Variants in RAP1B observed in about 807,000 individuals in gnomAD.
The protein encoded by RAP1B is RAP1B, member of RAS oncogene family, also known as ras-related protein Rap-1b.
A neutral mutation model predicts 27.5 loss-of-function variants in RAP1B; 1 was observed. The ratio of observed to expected loss-of-function variants is 0.04; its 90% CI spans 0.01 to 0.17. RAP1B has a LOEUF of 0.17. Ranked by LOEUF, RAP1B falls within the 10% of genes least tolerant of loss-of-function variation. The probability of loss-of-function intolerance (pLI) is 1.00; values close to 1 mark genes in which losing one functional copy is unlikely to be tolerated. For missense variants in RAP1B, 84 were observed against 214.8 expected, an observed-to-expected ratio of 0.39 and a Z score of 3.81; for synonymous variants, 75 against 73.1, an observed-to-expected ratio of 1.03 and a Z score of -0.13.
chr12:68,633,389 A>G (rs116192870), intron 1 of RAP1B, among the ~76,000 whole-genome samples: 3,576 of 152,266 alleles, frequency 0.023, 50 homozygotes, highest in Middle Eastern at 0.034. Context: ...TAGATAGACA[A>G]TTGTTCTCTT....
intron 3 of RAP1B, among the ~76,000 whole-genome samples, chr12:68,651,337 C>T (rs1873801463): frequency 6.6e-6 from 1 of 151,638 alleles, no homozygotes; most frequent in Non-Finnish European, 1.5e-5. Flanking sequence ...CCCGCTGTTG[C>T]ACAAATACTG....
rs762090651 is a variant in RAP1B at position 68,627,328 on chromosome 12, T to G, written c.-27+16285T>G. On this transcript the variant is annotated intron_variant, in intron 1 of 7. Coordinates refer to ENST00000250559, the MANE Select transcript of RAP1B (RefSeq NM_001010942.3). ...GCTGCTGTTTGCAGCCATTGCACAC[T>G]GGGCCCCCCCATGAGGAAAGGAACT... 2.0e-4 allele frequency: 150 copies of G among 758,328 alleles called. 1 individual carries two copies. The highest frequency in any genetic ancestry group is 3.1e-4 in the Non-Finnish European group (129 of 421,500). The allele number at this position is 758,328 out of a possible 1,614,324, so 47.0% of individuals were successfully genotyped here. A position where few individuals can be genotyped will look rare whatever the true frequency, so the allele number is the denominator to read the frequency against.
At chr12:68,639,172 C>T (rs1872824939) in intron 1 of RAP1B, among the ~76,000 whole-genome samples, 1 of 152,130 alleles carries the variant, frequency 6.6e-6, no homozygotes, top group Non-Finnish European at 1.5e-5. Context: ...AATGACTTTA[C>T]CCGTAAAGCA....
intron 1 of RAP1B, among the ~76,000 whole-genome samples, chr12:68,638,294 G>A (rs1305445862): frequency 6.6e-6 from 1 of 151,962 alleles, no homozygotes; most frequent in Non-Finnish European, 1.5e-5. Context: ...TTTATTTGTG[G>A]TATTATTTGA....
intron 1 of RAP1B, chr12:68,642,672 C>T: frequency 8.8e-7 from 1 of 1,139,500 alleles, no homozygotes; most frequent in Non-Finnish European, 1.3e-6. Flanking sequence ...ACAATCCTGG[C>T]CTTTGAGAGA....
At chr12:68,638,341 G>A (rs555040290) in intron 1 of RAP1B, among the ~76,000 whole-genome samples, 2 of 152,148 alleles carry the variant, frequency 1.3e-5, no homozygotes, top group African/African-American at 4.8e-5. Flanking sequence ...TGTCATGTCC[G>A]TGCCCTAATT....
chr12:68,637,461 G>C (rs1333557836), intron 1 of RAP1B, among the ~76,000 whole-genome samples: 1 of 151,954 alleles, frequency 6.6e-6, no homozygotes, highest in Non-Finnish European at 1.5e-5. Flanking sequence ...GCCAGGTGTG[G>C]TGGCACGCAC....
intron 1 of RAP1B, among the ~76,000 whole-genome samples, chr12:68,638,605 T>G (rs1424213910): frequency 2.0e-5 from 3 of 152,204 alleles, no homozygotes; most frequent in Non-Finnish European, 4.4e-5. Context: ...ATATTTAGAT[T>G]ATATTAAATT....
At position 68,632,138 on chromosome 12, in the gene RAP1B, T is replaced by TTG. The variant is rs1555171630; in HGVS notation, c.-26-16560_-26-16559insGT. Among the ~76,000 whole-genome samples the TTG allele has an allele frequency of 8.0e-4, 107 of 134,442 alleles. 5 individuals carry two copies. Among genetic ancestry groups the TTG allele is most frequent in the African/African-American group, 3.5e-3 (105 of 30,096 alleles). 88.2% of individuals were successfully genotyped at this position (134,442 alleles called of 152,430 possible). On this transcript the variant is annotated intron_variant, in intron 1 of 7. Transcript: ENST00000250559. Reference sequence around the variant, plus strand: ...TTTGGGTTTTGGATTTGTTTTTTTTTTTTTTTTGTTTGTTTTTTTTTTCCA... The same window carrying TTG: ...TTTGGGTTTTGGATTTGTTTTTTTTTTGTTTTTTTGTTTGTTTTTTTTTTCCA...
chr12:68,654,046 G>A (rs774628853), intron 4 of RAP1B, 66 bp from the exon 5 acceptor site: 12 of 1,367,676 alleles, frequency 8.8e-6, no homozygotes, highest in Non-Finnish European at 1.1e-5. Context: ...ATTATAGACT[G>A]TGAAAATTGT....
intron 1 of RAP1B, among the ~76,000 whole-genome samples, chr12:68,617,575 G>A (rs1871116704): frequency 6.6e-6 from 1 of 152,140 alleles, no homozygotes; most frequent in African/African-American, 2.4e-5. Context: ...AAAGTATAAA[G>A]AAGAAAATGA....
chr12:68,642,758 G>A lies in RAP1B; in HGVS notation c.-26-5941G>A, dbSNP rs184749749. 740 of 1,067,614 alleles carry A rather than the reference G, an allele frequency of 6.9e-4. 3 individuals carry two copies. Among genetic ancestry groups the A allele is most frequent in the Middle Eastern group, 1.2e-3 (4 of 3,346 alleles). 66.1% of individuals were successfully genotyped at this position (1,067,614 alleles called of 1,614,324 possible). On this transcript the variant is annotated intron_variant, in intron 1 of 7. Coordinates refer to ENST00000250559, the MANE Select transcript of RAP1B (RefSeq NM_001010942.3). ...CGCAGTATATTTATCCTCTGGCACG[G>A]GAACCTTCAGGGCATTAAACTTCTT...
chr12:68,615,936 C>A (rs10506562), intron 1 of RAP1B, among the ~76,000 whole-genome samples: 26,746 of 151,268 alleles, frequency 0.18, 3,033 homozygotes, highest in South Asian at 0.45. Flanking sequence ...AGGAAGTGAG[C>A]ATCCATTAAA....
At chr12:68,647,085 C>CT (rs1446881253) in intron 1 of RAP1B, among the ~76,000 whole-genome samples, 1 of 152,170 alleles carries the variant, frequency 6.6e-6, no homozygotes, top group Non-Finnish European at 1.5e-5. Context: ...CAGAATCTCA[C>CT]TGTGTTGCCC....
intron 1 of RAP1B, among the ~76,000 whole-genome samples, chr12:68,617,127 A>G (rs1871084471): frequency 6.6e-6 from 1 of 152,238 alleles, no homozygotes; most frequent in Non-Finnish European, 1.5e-5. Flanking sequence ...AAGTTACTTT[A>G]TACTAAATTC....
At chr12:68,652,871 T>C (rs1436153689) in intron 4 of RAP1B, among the ~76,000 whole-genome samples, 1 of 152,228 alleles carries the variant, frequency 6.6e-6, no homozygotes, top group African/African-American at 2.4e-5. Context: ...TTACCATATT[T>C]CAAATAATAC....
chr12:68,638,538 GATA>G (rs1199723325), intron 1 of RAP1B, among the ~76,000 whole-genome samples: 1 of 152,202 alleles, frequency 6.6e-6, no homozygotes, highest in East Asian at 1.9e-4. Flanking sequence ...GTTTTTGAAA[GATA>G]ATGACTCCAA....
In RAP1B at chr12:68,654,303, T is replaced by C. The variant is rs775655821; in HGVS notation, c.324+51T>C. On this transcript the variant is annotated intron_variant, in intron 5 of 7. Coordinates refer to ENST00000250559, the MANE Select transcript of RAP1B (RefSeq NM_001010942.3). ...TTTTATTTCAAAACCCTGATTATAATTGTTTAAGTCTAAATTTAAATTCAT... is the reference window on the plus strand; with the variant it reads ...TTTTATTTCAAAACCCTGATTATAACTGTTTAAGTCTAAATTTAAATTCAT... 10 of 1,148,980 alleles carry C rather than the reference T, an allele frequency of 8.7e-6. 1 individual carries two copies. The South Asian group carries it at 1.6e-4, about 18-fold the overall frequency. 71.2% of individuals were successfully genotyped at this position (1,148,980 alleles called of 1,614,324 possible).
chr12:68,666,537 A>G lies in RAP1B; in HGVS notation c.*7288A>G, dbSNP rs1489081605. 1.3e-5 allele frequency: 2 copies of G among 152,206 alleles called. No homozygotes were observed. Among genetic ancestry groups the G allele is most frequent in the African/African-American group, 2.4e-5 (1 of 41,450 alleles). The allele number at this position is 152,206 out of a possible 1,614,324, so 9.4% of individuals were successfully genotyped here. ...ATTATGCCACATCACATGTGCCTCT[A>G]TCTTTGTATCTCCTCCTCTCTATAA... is the stretch of plus-strand genomic sequence containing the variant. On this transcript the variant is annotated 3_prime_UTR_variant, in exon 8 of 8. Coordinates refer to ENST00000250559, the MANE Select transcript of RAP1B (RefSeq NM_001010942.3).
Sources: allele counts gnomAD v4.1 joint callset (sites outside exome capture counted in the v4.1 genomes callset), GRCh38; gene constraint gnomAD v4.1.1; transcripts MANE v1.5; gene names NCBI Gene and HGNC (gene_info 2026-07-23, HGNC 2026-07-21).